Variants in ACSBG2 observed in about 807,000 individuals in gnomAD.
ACSBG2 encodes long-chain-fatty-acid--CoA ligase ACSBG2.
In ACSBG2, 62 loss-of-function variants were observed where a neutral mutation model predicts 74.7. The observed-to-expected ratio is 0.83, with a 90% CI of 0.68 to 1.03. The LOEUF is 1.03. Ranked by LOEUF, ACSBG2 falls within the 50% of genes least tolerant of loss-of-function variation. ACSBG2 has a pLI of 0.00. For missense variants in ACSBG2, 730 were observed against 817.6 expected (o/e 0.89, Z 1.31); for synonymous variants, 309 against 294.1 (o/e 1.05, Z -0.52).
chr19:6,143,240 G>A (rs986084880), intron 2 of ACSBG2, among the ~76,000 whole-genome samples: 30 of 151,750 alleles, frequency 2.0e-4, no homozygotes, highest in African/African-American at 7.0e-4. Context: ...GCGCCCCAAA[G>A]TGGGTGTCTG....
At chr19:6,145,894 G>A (rs887671362) in intron 2 of ACSBG2, among the ~76,000 whole-genome samples, 3 of 152,264 alleles carry the variant, frequency 2.0e-5, no homozygotes, top group Middle Eastern at 6.8e-3. Flanking sequence ...CATTGGGGGA[G>A]AGGGGCTACT....
In ACSBG2 at chr19:6,147,672, C is replaced by T; in HGVS notation, c.294C>T (p.Ile98=). The change falls in exon 3 of 15, where the codon ATC becomes ATT. Residue 98 remains isoleucine (I), a synonymous_variant. Coordinates refer to ENST00000588485, the MANE Select transcript of ACSBG2 (RefSeq NM_030924.5). Reference sequence around the variant, plus strand: ...GTCGGAAGGCTGCAAAATCCTTGATCAAGGTAAGATTCATTCATTCATTCT... The same window carrying T: ...GTCGGAAGGCTGCAAAATCCTTGATTAAGGTAAGATTCATTCATTCATTCT... The part of the protein sequence containing the change: ...EACRKAAKSL[I]KLGLERFHGV... 6.2e-7 allele frequency: 1 copy of T among 1,611,910 alleles called. No homozygotes were observed. The highest frequency in any genetic ancestry group is 8.5e-7 in the Non-Finnish European group (1 of 1,177,960).
At chr19:6,181,622 CCTACT>C (rs1442279291) in intron 8 of ACSBG2, among the ~76,000 whole-genome samples, 2 of 152,048 alleles carry the variant, frequency 1.3e-5, no homozygotes, top group African/African-American at 2.4e-5. Context: ...GAAATCTTTG[CCTACT>C]CTAAAGTCAC....
At chr19:6,152,709 T>C (rs1036263413) in intron 4 of ACSBG2, among the ~76,000 whole-genome samples, 4 of 152,160 alleles carry the variant, frequency 2.6e-5, no homozygotes, top group Non-Finnish European at 5.9e-5. Flanking sequence ...AAAACATGAA[T>C]ATATTTTGGC....
Position 6,152,850 on chromosome 19 carries a change from T to C in ACSBG2, c.386+1055T>C, listed in dbSNP as rs531999134. Among the ~76,000 whole-genome samples the C allele has an allele frequency of 1.3e-4, 20 of 152,282 alleles. No individual in the cohort carries two copies. In the South Asian group the frequency reaches 4.2e-3, roughly 32 times the overall value. On this transcript the variant is annotated intron_variant, in intron 4 of 14. Coordinates refer to ENST00000588485, the MANE Select transcript of ACSBG2 (RefSeq NM_030924.5). ...TGGGATTCTCGGTAATATTTTGAAA[T>C]GATGGCTCTGAAGAGCACATTTTAA...
intron 4 of ACSBG2, among the ~76,000 whole-genome samples, chr19:6,153,137 G>A (rs1029313984): frequency 5.3e-5 from 8 of 151,984 alleles, no homozygotes; most frequent in Non-Finnish European, 7.4e-5. Flanking sequence ...TCCCAGCTAC[G>A]CGGGAGGCTG....
At chr19:6,160,673 A>T (rs2089577352) in intron 5 of ACSBG2, 1 of 151,944 alleles carries the variant, frequency 6.6e-6, no homozygotes, top group Non-Finnish European at 1.5e-5. Context: ...TCTCGGGCAG[A>T]CTATTGTCAT....
At chr19:6,176,371 G>A in intron 7 of ACSBG2, 1 of 1,514,464 alleles carries the variant, frequency 6.6e-7, no homozygotes, top group Non-Finnish European at 8.8e-7. Flanking sequence ...CTGAGTGGGA[G>A]GTAGCTGACC....
chr19:6,179,758 G>A (rs55908734), intron 8 of ACSBG2, among the ~76,000 whole-genome samples: 78,053 of 151,776 alleles, frequency 0.51, 21,476 homozygotes, highest in Admixed American at 0.66. Context: ...GATTACAGGC[G>A]TGCACCACCA....
At chr19:6,153,910 GA>G (rs1285878799) in intron 4 of ACSBG2, among the ~76,000 whole-genome samples, 1 of 140,676 alleles carries the variant, frequency 7.1e-6, no homozygotes, top group Non-Finnish European at 1.6e-5. Flanking sequence ...AGAAGGAAAA[GA>G]AAAAAGAAAA....
rs1263357701 is a variant in ACSBG2 at position 6,138,053 on chromosome 19, A to G, written c.-32+2144A>G. On this transcript the variant is annotated intron_variant, in intron 1 of 14. Transcript: ENST00000588485. ...CCCAGCTACCTATCACTCGGCTCCAACTTAAAGTCAGCCTTGGTCATTTCT... is the reference window on the plus strand; with the variant it reads ...CCCAGCTACCTATCACTCGGCTCCAGCTTAAAGTCAGCCTTGGTCATTTCT... Among the ~76,000 whole-genome samples, 3 of 152,180 alleles carry G rather than the reference A, an allele frequency of 2.0e-5. No individual in the cohort carries two copies. The East Asian group carries it at 5.8e-4, about 29-fold the overall frequency.
chr19:6,162,689 G>A (rs558247201), intron 6 of ACSBG2, among the ~76,000 whole-genome samples: 14 of 151,982 alleles, frequency 9.2e-5, no homozygotes, highest in Non-Finnish European at 1.3e-4. Context: ...TTACAGCAGG[G>A]TTTCTCAACC....
intron 14 of ACSBG2, chr19:6,192,048 A>G (rs1600150111): frequency 7.4e-6 from 1 of 135,304 alleles, no homozygotes; most frequent in South Asian, 2.4e-4. Flanking sequence ...CATAAAACAC[A>G]CTGGGCTTCA....
intron 5 of ACSBG2, 64 bp from the exon 6 acceptor site, chr19:6,161,151 T>A: frequency 7.3e-7 from 1 of 1,365,964 alleles, no homozygotes; most frequent in Non-Finnish European, 1.0e-6. Context: ...TTAGGACATC[T>A]AACCCAGCTT....
intron 8 of ACSBG2, 66 bp from the exon 9 acceptor site, chr19:6,182,685 G>T: frequency 6.6e-7 from 1 of 1,508,074 alleles, no homozygotes; most frequent in East Asian, 2.3e-5. Context: ...GGGTGGATCA[G>T]GAGAGATGGA....
intron 1 of ACSBG2, among the ~76,000 whole-genome samples, chr19:6,140,661 C>T (rs1467398011): frequency 6.6e-6 from 1 of 152,176 alleles, no homozygotes; most frequent in African/African-American, 2.4e-5. Context: ...GCCTAGGCGA[C>T]AAAACCAAAC....
At position 6,174,992 on chromosome 19, in the gene ACSBG2, T is replaced by C. The variant is rs1036082954; in HGVS notation, c.739-2237T>C. On this transcript the variant is annotated intron_variant, in intron 7 of 14. Coordinates refer to ENST00000588485, the MANE Select transcript of ACSBG2 (RefSeq NM_030924.5). This position sits in a 1 kb window ranked among gnomAD's most constrained non-coding sequence, Gnocchi z 4.2. ...CTAACCCTTTTACAGATGAGAAAAC[T>C]GAGGCTCAGACAGAGGAAATTACTT... Among the ~76,000 whole-genome samples the C allele has an allele frequency of 2.0e-5, 3 of 152,160 alleles. No individual in the cohort carries two copies. Among genetic ancestry groups the C allele is most frequent in the Non-Finnish European group, 2.9e-5 (2 of 68,024 alleles).
In ACSBG2 at chr19:6,174,382, G is replaced by A. The variant is rs2090040465; in HGVS notation, c.739-2847G>A. On this transcript the variant is annotated intron_variant, in intron 7 of 14. Transcript: ENST00000588485. The surrounding 1 kb of genome is among the most constrained non-coding windows in gnomAD (Gnocchi z 4.2). Reference sequence around the variant, plus strand: ...TCACTGGACCAATTCTGTCTCAAAGGAAAGAGAAACAAATTCCACCTCAGA... The same window carrying A: ...TCACTGGACCAATTCTGTCTCAAAGAAAAGAGAAACAAATTCCACCTCAGA... Among the ~76,000 whole-genome samples, 1 of 152,178 alleles carries A rather than the reference G, an allele frequency of 6.6e-6. No homozygotes were observed. Among genetic ancestry groups the A allele is most frequent in the Admixed American group, 6.5e-5 (1 of 15,274 alleles).
At chr19:6,151,581 G>A (rs979543561) in intron 3 of ACSBG2, 126 bp from the exon 4 acceptor site, 1 of 880,036 alleles carries the variant, frequency 1.1e-6, no homozygotes. Flanking sequence ...AAAGTGCTAG[G>A]ATTACAGGTG....
Sources: gnomAD v4.1 joint callset for allele counts (sites outside exome capture counted in the v4.1 genomes callset) on GRCh38, gnomAD v4.1.1 for gene constraint, Gnocchi (gnomAD v3.1) non-coding constraint, MANE v1.5 for transcripts, NCBI Gene and HGNC (gene_info 2026-07-23, HGNC 2026-07-21) for gene names.